The following CPT1C variants were observed in gnomAD, a reference collection of about 807,000 sequenced individuals.
CPT1C encodes carnitine palmitoyltransferase 1C.
In CPT1C, 61 loss-of-function variants were observed where a neutral mutation model predicts 97.3. That is an observed-to-expected ratio of 0.63 (90% CI 0.51 to 0.78). The LOEUF (loss-of-function observed/expected upper bound fraction) is 0.78. CPT1C is among the 30% of genes least tolerant of loss of function. CPT1C has a pLI of 0.00. For missense variants in CPT1C, 975 were observed against 1,065.5 expected (o/e 0.92, Z 1.18); for synonymous variants, 469 against 447.2 (o/e 1.05, Z -0.61).
Position 49,713,008 on chromosome 19 carries a change from A to G in CPT1C, c.2170A>G (p.Met724Val), listed in dbSNP as rs1267303245. The change falls in exon 19 of 20, where the codon ATG (methionine) becomes GTG (valine). Residue 724 changes from methionine to valine, a missense_variant. By Grantham distance (21) the Met-to-Val change is conservative. Transcript: ENST00000598293. The part of the protein sequence containing the change: ...DHGYGVSYIF[M>V]GDGMITFHIS... ...TGGTTATGGTGTTTCTTATATCTTC[A>G]TGGGGGATGGCATGATCACCTTCCA... The G allele has an allele frequency of 6.2e-7, 1 of 1,613,998 alleles. No individual in the cohort carries two copies. The highest frequency in any genetic ancestry group is 1.1e-5 in the South Asian group (1 of 91,074).
chr19:49,705,336 C>T (rs1285778984), intron 10 of CPT1C, 38 bp downstream of exon 10: 1 of 1,498,728 alleles, frequency 6.7e-7, no homozygotes, highest in African/African-American at 1.4e-5. Flanking sequence ...GGAGGCAGAA[C>T]AATATAGTGG....
rs370367604 is a variant in CPT1C, at chr19:49,713,429, A to T, written c.2236A>T (p.Arg746Trp). ...KKSSTKTDSHRLGQHIEDALL... is the reference protein window; with the variant it reads ...KKSSTKTDSHWLGQHIEDALL... ...CCTGTTCTCCTTCCAGGATTCCCAC[A>T]GGCTGGGGCAGCACATTGAGGACGC... The change falls in exon 20 of 20, where the codon AGG (arginine) becomes TGG (tryptophan). Residue 746 changes from arginine to tryptophan, a missense_variant. Arg to Trp is a moderately radical substitution (Grantham distance 101, BLOSUM62 -3). This residue lies in a region of CPT1C where 344 missense variants were observed against 395.7 expected (regional missense o/e 0.87). Coordinates refer to ENST00000598293, the MANE Select transcript of CPT1C (RefSeq NM_001199753.2). 6.2e-7 allele frequency: 1 copy of T among 1,610,410 alleles called. No individual in the cohort carries two copies. The highest frequency in any genetic ancestry group is 1.7e-5 in the Admixed American group (1 of 59,058).
intron 7 of CPT1C, 41 bp from the exon 8 acceptor site, chr19:49,704,669 G>T: frequency 6.6e-7 from 1 of 1,521,958 alleles, no homozygotes; most frequent in Non-Finnish European, 9.1e-7. Context: ...CCCCCAACAG[G>T]CCCCAGCCCC....
upstream of CPT1C, among the ~76,000 whole-genome samples, chr19:49,690,740 G>A (rs942340755): frequency 2.0e-5 from 3 of 152,116 alleles, no homozygotes; most frequent in Non-Finnish European, 2.9e-5. This position sits in a 1 kb window ranked among gnomAD's most constrained non-coding sequence, Gnocchi z 4.4. Flanking sequence ...TGCACCTTCC[G>A]TGGGTGGTTT....
At chr19:49,704,878 A>G (rs2083412284) in intron 8 of CPT1C, 91 bp downstream of exon 8, 2 of 1,433,714 alleles carry the variant, frequency 1.4e-6, no homozygotes, top group Non-Finnish European at 2.0e-6. Context: ...AGTGACCTGG[A>G]TCTAGACGCG....
chr19:49,705,348 T>G, intron 10 of CPT1C, 50 bp downstream of exon 10: 1 of 1,451,982 alleles, frequency 6.9e-7, no homozygotes, highest in African/African-American at 1.4e-5. Context: ...ATATAGTGGC[T>G]AAGAGCATGT....
rs770571879 is a variant in CPT1C, at chr19:49,712,934, C to T, written c.2134-38C>T. 14 of 1,597,466 alleles carry T rather than the reference C, an allele frequency of 8.8e-6. No individual in the cohort carries two copies. In the Admixed American group the frequency reaches 1.0e-4, roughly 11 times the overall value. On this transcript the variant is annotated intron_variant, in intron 18 of 19. Transcript: ENST00000598293. ...CCTGCATAGTGGGGGTGGAGGGGAC[C>T]GGAGCTATTTTCTTCCCTTCACTCT...
Position 49,713,442 on chromosome 19 carries a change from A to G in CPT1C, c.2249A>G (p.His750Arg). ...TKTDSHRLGQ[H>R]IEDALLDVAS... ...CAGGATTCCCACAGGCTGGGGCAGC[A>G]CATTGAGGACGCACTGCTGGATGTG... Residue 750 changes from histidine to arginine, a missense_variant, in exon 20 of 20, where the codon CAC (histidine) becomes CGC (arginine). This residue lies in a region of CPT1C where 344 missense variants were observed against 395.7 expected (regional missense o/e 0.87). Coordinates refer to ENST00000598293, the MANE Select transcript of CPT1C (RefSeq NM_001199753.2). 6.2e-7 allele frequency: 1 copy of G among 1,613,690 alleles called. No homozygotes were observed. The highest frequency in any genetic ancestry group is 8.5e-7 in the Non-Finnish European group (1 of 1,179,730).
In CPT1C at chr19:49,705,102, GGA is replaced by G. The variant is rs755823050; in HGVS notation, c.870_871del (p.Glu290AspfsTer39). 3 of 1,613,986 alleles carry G rather than the reference GGA, an allele frequency of 1.9e-6. No individual in the cohort carries two copies. Among genetic ancestry groups the G allele is most frequent in the Non-Finnish European group, 2.5e-6 (3 of 1,180,014 alleles). The part of the protein sequence containing the change: ...LLYRHRLNRQ[E>X]IPPTLLMGMR... ...TGTACCGCCACCGCCTGAACCGCCA[GGA>G]GATACCCCCGGTGAGAGGGCCCCAG... On this transcript the variant is annotated frameshift_variant, in exon 9 of 20. Transcript: ENST00000598293. LOFTEE classifies it high-confidence loss of function.
At position 49,704,762 on chromosome 19, in the gene CPT1C, T is replaced by C. The variant is rs780381980; in HGVS notation, c.746T>C (p.Met249Thr). 1.2e-6 allele frequency: 2 copies of C among 1,613,990 alleles called. No individual in the cohort carries two copies. Among genetic ancestry groups the C allele is most frequent in the South Asian group, 2.2e-5 (2 of 91,064 alleles). Residue 249 changes from methionine (M) to threonine (T), a missense_variant, in exon 8 of 20, where the codon ATG (methionine) becomes ACG (threonine). By Grantham distance (81) the Met-to-Thr change is moderately conservative (BLOSUM62 -1). Coordinates refer to ENST00000598293, the MANE Select transcript of CPT1C (RefSeq NM_001199753.2). ...FVYLRSRNPL[M>T]VNSNYYMMDF... is the part of the protein sequence containing the mutation. ...TACCTGCGCTCCCGAAATCCGCTGATGGTGAACAGCAACTATTACATGATG... is the reference window on the plus strand; with the variant it reads ...TACCTGCGCTCCCGAAATCCGCTGACGGTGAACAGCAACTATTACATGATG...
chr19:49,702,524 G>A (rs2083233438), intron 7 of CPT1C, among the ~76,000 whole-genome samples: 1 of 151,888 alleles, frequency 6.6e-6, no homozygotes, highest in Non-Finnish European at 1.5e-5. Context: ...GGAGGCTGAG[G>A]CGGGAGGATT....
rs766200911 is a variant in CPT1C, at chr19:49,710,756, G to T, written c.1765G>T (p.Ala589Ser). The T allele has an allele frequency of 6.2e-7, 1 of 1,613,954 alleles. No homozygotes were observed. Among genetic ancestry groups the T allele is most frequent in the South Asian group, 1.1e-5 (1 of 91,080 alleles). The change falls in exon 16 of 20, where the codon GCC becomes TCC. Residue 589 changes from alanine (A) to serine (S), a missense_variant. Ala to Ser is a moderately conservative substitution (Grantham distance 99). Around this residue, in one of 3 missense-constraint regions of CPT1C, gnomAD observed 344 missense variants for 395.7 expected, o/e 0.87. Transcript: ENST00000598293. ...TCAATTCTGCCTGACTTATGAGTCG[G>T]CCATGACTCGCTTATTCCTGGAAGG... ...RGQFCLTYES[A>S]MTRLFLEGRT...
At chr19:49,703,649 C>A (rs537049686) in intron 7 of CPT1C, among the ~76,000 whole-genome samples, 1 of 120,252 alleles carries the variant, frequency 8.3e-6, no homozygotes, top group Admixed American at 9.9e-5. Context: ...CTTTTTCTTT[C>A]TTGGAAGGGG....
At chr19:49,701,442 G>C in intron 6 of CPT1C, 24 bp downstream of exon 6, 1 of 1,590,512 alleles carries the variant, frequency 6.3e-7, no homozygotes. Flanking sequence ...CGCGCAGACG[G>C]GCTGGGGCGG....
chr19:49,694,730 T>C (rs1270820992), intron 3 of CPT1C, among the ~76,000 whole-genome samples: 1 of 151,708 alleles, frequency 6.6e-6, no homozygotes, highest in Admixed American at 6.6e-5. Context: ...GTCTTGTTGG[T>C]TGTATAATCT....
intron 16 of CPT1C, 150 bp from the exon 17 acceptor site, chr19:49,711,659 C>CT (rs1297323923): frequency 1.8e-5 from 15 of 818,800 alleles, no homozygotes; most frequent in Non-Finnish European, 2.1e-5. Flanking sequence ...TTTCCCCTCT[C>CT]TAAGCCTCAG....
chr19:49,691,248 G>A lies in CPT1C; in HGVS notation c.-176G>A, dbSNP rs1471616114. 1.3e-5 allele frequency: 2 copies of A among 152,110 alleles called. No individual in the cohort carries two copies. The allele number at this position is 152,110 out of a possible 1,614,324, so 9.4% of individuals were successfully genotyped here. A position where few individuals can be genotyped will look rare whatever the true frequency, so the allele number is the denominator to read the frequency against. On this transcript the variant is annotated 5_prime_UTR_variant, in exon 1 of 20. Coordinates refer to ENST00000598293, the MANE Select transcript of CPT1C (RefSeq NM_001199753.2). ...GCACTGGGATTGGACATATGCAAGC[G>A]GGAGATTTGGGGCCGGCGCTCAAAA...
rs1568518297 is a variant in CPT1C at position 49,701,512 on chromosome 19, CG to C, written c.573del (p.Ile193SerfsTer18). On this transcript the variant is annotated frameshift_variant, in exon 7 of 20. Transcript: ENST00000598293. LOFTEE classifies it high-confidence loss of function. The stretch of plus-strand genomic sequence containing the variant: ...TCCCCTTTAGTACCTGGAGTCGGTC[CG>C]GCCCATCCTCTCCGACGAGGACTTC... ...DTVRKYLESV[R>X]PILSDEDFDW... 6.2e-7 allele frequency: 1 copy of C among 1,609,054 alleles called. No homozygotes were observed. Among genetic ancestry groups the C allele is most frequent in the Non-Finnish European group, 8.5e-7 (1 of 1,176,614 alleles).
intron 17 of CPT1C, 75 bp downstream of exon 17, chr19:49,712,036 G>T: frequency 6.5e-7 from 1 of 1,545,240 alleles, no homozygotes; most frequent in Non-Finnish European, 8.8e-7. Flanking sequence ...GGGAAGGAGG[G>T]TGATGTTGAA....
Sources: allele counts gnomAD v4.1 joint callset (sites outside exome capture counted in the v4.1 genomes callset), GRCh38; gene constraint gnomAD v4.1.1; regional missense constraint gnomAD v4.1.1; non-coding constraint Gnocchi (gnomAD v3.1); transcripts MANE v1.5; gene names NCBI Gene and HGNC (gene_info 2026-07-23, HGNC 2026-07-21).